The following AFF2 variants were observed in gnomAD, a reference collection of about 807,000 sequenced individuals.
The protein encoded by AFF2 is ALF transcription elongation factor 2, also known as AF4/FMR2 family member 2.
A neutral mutation model predicts 76.9 loss-of-function variants in AFF2; 14 were observed. The observed-to-expected ratio is 0.18, with a 90% confidence interval of 0.12 to 0.28. The LOEUF is 0.28. Among genes scored for constraint, AFF2 ranks in the 10% least tolerant of loss-of-function variants. The pLI, the probability that AFF2 is intolerant of heterozygous loss-of-function variation, is 1.00. For synonymous variants in AFF2, 398 were observed against 366.7 expected (o/e 1.09, Z -0.98); for missense variants, 868 against 1,001.1 (o/e 0.87, Z 1.79).
At chrX:148,577,296 T>C (rs368358899) in intron 1 of AFF2, among the ~76,000 whole-genome samples, 179 of 108,877 alleles carry the variant, frequency 1.6e-3, no homozygotes, top group Non-Finnish European at 2.7e-3. Flanking sequence ...TGTGTGTGTG[T>C]GCGCGCACAC....
At chrX:148,592,423 T>C (rs184947500) in intron 1 of AFF2, among the ~76,000 whole-genome samples, 1 of 109,991 alleles carries the variant, frequency 9.1e-6, no homozygotes, top group African/African-American at 3.3e-5. Context: ...TGGTTTCATG[T>C]CCTAGACAAG....
At chrX:148,923,997 G>T (rs2071623550) in intron 9 of AFF2, among the ~76,000 whole-genome samples, 1 of 111,900 alleles carries the variant, frequency 8.9e-6, no homozygotes, top group Non-Finnish European at 1.9e-5. Context: ...TAGAGCCACA[G>T]CTTAAACTCT....
intron 1 of AFF2, among the ~76,000 whole-genome samples, chrX:148,612,490 A>G (rs1442561462): frequency 5.3e-5 from 6 of 112,286 alleles, no homozygotes; most frequent in African/African-American, 1.6e-4. Context: ...ACTAAGAAAT[A>G]TATGCAACCA....
chrX:148,683,150 C>T (rs1557260074), intron 3 of AFF2, among the ~76,000 whole-genome samples: 1 of 111,616 alleles, frequency 9.0e-6, no homozygotes, highest in East Asian at 2.8e-4. Flanking sequence ...ACCCTCTGAG[C>T]TGACTTTCTC....
intron 1 of AFF2, chrX:148,546,891 T>C (rs1437613605): frequency 8.9e-6 from 1 of 112,181 alleles, no homozygotes; most frequent in African/African-American, 3.2e-5. Flanking sequence ...ATTACTACTT[T>C]AGCACTGATT....
chrX:148,674,011 C>A (rs782628670), intron 3 of AFF2, among the ~76,000 whole-genome samples: 7 of 111,969 alleles, frequency 6.3e-5, no homozygotes, highest in Non-Finnish European at 7.5e-5. Context: ...GGTGGGCAAA[C>A]CTTTTCTGAA....
intron 16 of AFF2, among the ~76,000 whole-genome samples, chrX:148,976,790 G>A (rs1471221635): frequency 8.9e-6 from 1 of 112,560 alleles, no homozygotes; most frequent in East Asian, 2.8e-4. Flanking sequence ...ACATTTCAGT[G>A]ATCCAACTGT....
At chrX:148,574,987 A>T (rs782664316) in intron 1 of AFF2, among the ~76,000 whole-genome samples, 77 of 100,624 alleles carry the variant, frequency 7.7e-4, no homozygotes, top group African/African-American at 9.8e-4. Flanking sequence ...TGTGTGTGTG[A>T]GAGAGAGACT....
chrX:148,773,145 A>C (rs2069611985), intron 3 of AFF2, among the ~76,000 whole-genome samples: 1 of 111,937 alleles, frequency 8.9e-6, no homozygotes, highest in African/African-American at 3.2e-5. Flanking sequence ...AAAACACTTG[A>C]ATATATAAAA....
intron 3 of AFF2, among the ~76,000 whole-genome samples, chrX:148,791,928 C>G (rs1420816309): frequency 9.0e-6 from 1 of 111,037 alleles, no homozygotes; most frequent in East Asian, 2.8e-4. Flanking sequence ...ATTGGTACAA[C>G]AAAGGAATTT....
chrX:148,879,036 G>C (rs2071067018), intron 7 of AFF2, among the ~76,000 whole-genome samples: 1 of 111,979 alleles, frequency 8.9e-6, no homozygotes. Flanking sequence ...AGGTTGAAGA[G>C]GTGACAGTTG....
chrX:148,747,113 T>A (rs2055429958), intron 3 of AFF2, among the ~76,000 whole-genome samples: 1 of 111,949 alleles, frequency 8.9e-6, no homozygotes, highest in Admixed American at 9.5e-5. Context: ...TTTATATCAA[T>A]AAAGGTTATT....
intron 3 of AFF2, among the ~76,000 whole-genome samples, chrX:148,716,725 A>G (rs1281161823): frequency 9.0e-6 from 1 of 111,552 alleles, no homozygotes; most frequent in Non-Finnish European, 1.9e-5. Context: ...ACATAGGAAT[A>G]GTGACTTACT....
At chrX:148,546,649 G>A (rs2052924192) in intron 1 of AFF2, among the ~76,000 whole-genome samples, 1 of 112,149 alleles carries the variant, frequency 8.9e-6, no homozygotes, top group Non-Finnish European at 1.9e-5. Flanking sequence ...CATTAATACT[G>A]CTTCAATAGT....
At chrX:148,639,339 A>G (rs143022872) in intron 1 of AFF2, among the ~76,000 whole-genome samples, 112 of 112,404 alleles carry the variant, frequency 1.0e-3, no homozygotes, top group African/African-American at 3.5e-3. Context: ...TCACCTTCAA[A>G]AAAAATTCAG....
chrX:148,604,107 A>G lies in AFF2; in HGVS notation c.48-47892A>G, dbSNP rs1413621018. Among the ~76,000 whole-genome samples, 4 of 111,391 alleles carry G rather than the reference A, an allele frequency of 3.6e-5. No homozygotes were observed. The Admixed American group carries it at 3.8e-4, about 11-fold the overall frequency. On this transcript the variant is annotated intron_variant, in intron 1 of 20. Transcript: ENST00000370460. ...TTTTTTAAGAATATTCTTTTTGAGT[A>G]TTTTAAATCTTTTTATGTGTTGGAT...
At chrX:148,721,923 C>T (rs1345043902) in intron 3 of AFF2, among the ~76,000 whole-genome samples, 1 of 111,858 alleles carries the variant, frequency 8.9e-6, no homozygotes, top group Non-Finnish European at 1.9e-5. Flanking sequence ...TTTCCCTCTT[C>T]TCATAAGGAC....
rs781931903 is a variant in AFF2, at chrX:148,996,276, G to T, written c.*4944G>T. ...CAGAACAAGATCTAGCTTCTCATTTGGTCAGCCTAGCATGCAACCAGTGGT... is the reference window on the plus strand; with the variant it reads ...CAGAACAAGATCTAGCTTCTCATTTTGTCAGCCTAGCATGCAACCAGTGGT... On this transcript the variant is annotated 3_prime_UTR_variant, in exon 21 of 21. Transcript: ENST00000370460. 2.7e-5 allele frequency: 3 copies of T among 112,928 alleles called. No homozygotes were observed. The highest frequency in any genetic ancestry group is 5.6e-5 in the Non-Finnish European group (3 of 53,363). 9.3% of individuals were successfully genotyped at this position (112,928 alleles called of 1,213,427 possible).
intron 1 of AFF2, among the ~76,000 whole-genome samples, chrX:148,567,312 A>G (rs781977073): frequency 1.8e-5 from 2 of 111,449 alleles, no homozygotes; most frequent in Admixed American, 9.5e-5. Context: ...TTACAAGAGG[A>G]CAGATACAAT....
Sources: gnomAD v4.1 joint callset for allele counts (sites outside exome capture counted in the v4.1 genomes callset) on GRCh38, gnomAD v4.1.1 for gene constraint, MANE v1.5 for transcripts, NCBI Gene and HGNC (gene_info 2026-07-23, HGNC 2026-07-21) for gene names.